Variants in AUH observed in about 807,000 individuals in gnomAD.
AUH encodes methylglutaconyl-CoA hydratase, mitochondrial.
In AUH, 29 loss-of-function variants were observed where a neutral mutation model predicts 42.3. The observed-to-expected ratio is 0.69, with a 90% CI of 0.51 to 0.93. The LOEUF is 0.93. AUH is among the 40% of genes least tolerant of loss of function. The pLI is 0.00. For missense variants in AUH, 452 were observed against 438.1 expected, an observed-to-expected ratio of 1.03 and a Z score of -0.28; for synonymous variants, 174 against 166.4, an observed-to-expected ratio of 1.05 and a Z score of -0.35.
At chr9:91,218,940 T>C (rs1201562400) in intron 7 of AUH, 1 of 985,114 alleles carries the variant, frequency 1.0e-6, no homozygotes, top group Non-Finnish European at 1.2e-6. Context: ...TACATCAACA[T>C]CTTCTTATTT....
At chr9:91,274,186 G>C (rs1447746491) in intron 6 of AUH, among the ~76,000 whole-genome samples, 1 of 151,932 alleles carries the variant, frequency 6.6e-6, no homozygotes, top group East Asian at 1.9e-4. Context: ...CTATTTTCTG[G>C]GTATGCCTCC....
intron 4 of AUH, among the ~76,000 whole-genome samples, chr9:91,318,968 T>C (rs1829367425): frequency 6.6e-6 from 1 of 152,258 alleles, no homozygotes; most frequent in Admixed American, 6.5e-5. Context: ...TTGGACCCTC[T>C]TTTGGTTACA....
At chr9:91,223,523 T>C (rs939864719) in intron 6 of AUH, among the ~76,000 whole-genome samples, 3 of 152,222 alleles carry the variant, frequency 2.0e-5, no homozygotes, top group African/African-American at 7.2e-5. Context: ...ATAATGCTGC[T>C]ATGAACATGG....
At chr9:91,284,215 G>T (rs899142721) in intron 6 of AUH, among the ~76,000 whole-genome samples, 8 of 152,066 alleles carry the variant, frequency 5.3e-5, no homozygotes, top group Non-Finnish European at 8.8e-5. Context: ...AATAGGGAAA[G>T]AATTCCCTAT....
At chr9:91,279,049 G>T (rs1270912505) in intron 6 of AUH, among the ~76,000 whole-genome samples, 1 of 152,126 alleles carries the variant, frequency 6.6e-6, no homozygotes, top group Admixed American at 6.6e-5. Context: ...GATTTCATGG[G>T]TGTATATATG....
intron 6 of AUH, among the ~76,000 whole-genome samples, chr9:91,273,671 C>T (rs1825331491): frequency 6.6e-6 from 1 of 152,100 alleles, no homozygotes; most frequent in Non-Finnish European, 1.5e-5. Context: ...GTTTTTAAGG[C>T]ATCAAAAATA....
chr9:91,225,354 T>A (rs1233975129), intron 6 of AUH, among the ~76,000 whole-genome samples: 1 of 152,230 alleles, frequency 6.6e-6, no homozygotes, highest in Admixed American at 6.5e-5. Context: ...TTACTTCAGT[T>A]CACCTTTTCT....
intron 6 of AUH, among the ~76,000 whole-genome samples, chr9:91,287,867 T>G (rs1826540112): frequency 6.6e-6 from 1 of 152,166 alleles, no homozygotes; most frequent in Non-Finnish European, 1.5e-5. Context: ...CATTCTTGAT[T>G]CTTAGAAAAC....
chr9:91,214,503 C>T, intron 9 of AUH, 78 bp from the exon 10 acceptor site: 1 of 1,180,018 alleles, frequency 8.5e-7, no homozygotes, highest in South Asian at 1.4e-5. Flanking sequence ...TCTAAGAAAA[C>T]TACTTAGAAC....
At chr9:91,289,393 A>C (rs542955282) in intron 6 of AUH, among the ~76,000 whole-genome samples, 20 of 152,314 alleles carry the variant, frequency 1.3e-4, no homozygotes, top group African/African-American at 4.6e-4. Context: ...GCTCATCTGG[A>C]AAAGAGGAAG....
chr9:91,256,460 T>C (rs1273720463), intron 6 of AUH, among the ~76,000 whole-genome samples: 1 of 152,076 alleles, frequency 6.6e-6, no homozygotes, highest in East Asian at 1.9e-4. Context: ...GCACAGCTAC[T>C]GGCATCACCA....
In AUH at chr9:91,232,786, C is replaced by T. The variant is rs1827962932; in HGVS notation, c.656-11794G>A. On this transcript the variant is annotated intron_variant, in intron 6 of 9. Transcript: ENST00000375731. ...CTGATTCAGTGAGTATGAGGTGAAC[C>T]TAAGGTTCTGCATTTCTAATAGGCT... 2.0e-5 allele frequency among the ~76,000 whole-genome samples: 3 copies of T among 152,318 alleles called. No individual in the cohort carries two copies. The South Asian group carries it at 6.2e-4, about 32-fold the overall frequency.
chr9:91,295,734 G>C (rs1827273274), intron 6 of AUH, among the ~76,000 whole-genome samples: 1 of 152,162 alleles, frequency 6.6e-6, no homozygotes. Context: ...TAGACATAAT[G>C]GTACTGCATG....
At chr9:91,222,794 T>A (rs1260218993) in intron 6 of AUH, among the ~76,000 whole-genome samples, 1 of 152,242 alleles carries the variant, frequency 6.6e-6, no homozygotes, top group African/African-American at 2.4e-5. Context: ...TTATTCATGA[T>A]AAGCATATTA....
chr9:91,270,840 C>T (rs2292364), intron 6 of AUH, among the ~76,000 whole-genome samples: 19,448 of 152,036 alleles, frequency 0.13, 1,681 homozygotes, highest in East Asian at 0.32. Context: ...TGTTTCAATG[C>T]TTTTAAAAAT....
chr9:91,238,529 G>A (rs1423854213), intron 6 of AUH, among the ~76,000 whole-genome samples: 1 of 152,178 alleles, frequency 6.6e-6, no homozygotes, highest in Non-Finnish European at 1.5e-5. Context: ...AAAATGGGTA[G>A]GCAATTAGCA....
chr9:91,290,057 G>A (rs1308457186), intron 6 of AUH, among the ~76,000 whole-genome samples: 1 of 152,130 alleles, frequency 6.6e-6, no homozygotes, highest in Non-Finnish European at 1.5e-5. Context: ...AACATTTTAT[G>A]AGCTATGAAC....
chr9:91,325,243 A>C, intron 4 of AUH, 75 bp downstream of exon 4: 1 of 1,184,538 alleles, frequency 8.4e-7, no homozygotes, highest in Non-Finnish European at 1.3e-6. Context: ...ATGCTTATAT[A>C]TAATGTGTAA....
intron 4 of AUH, among the ~76,000 whole-genome samples, chr9:91,321,852 T>C (rs1468948293): frequency 2.0e-5 from 3 of 152,212 alleles, no homozygotes; most frequent in Non-Finnish European, 4.4e-5. Context: ...TGTTGATACA[T>C]CATCTATGGT....
Sources: gnomAD v4.1 joint callset for allele counts (sites outside exome capture counted in the v4.1 genomes callset) on GRCh38, gnomAD v4.1.1 for gene constraint, MANE v1.5 for transcripts, NCBI Gene and HGNC (gene_info 2026-07-23, HGNC 2026-07-21) for gene names.